The following GRM5 variants were observed in gnomAD, a reference collection of about 807,000 sequenced individuals.
GRM5 encodes metabotropic glutamate receptor 5.
A neutral mutation model predicts 83.1 loss-of-function variants in GRM5; 19 were observed. The observed-to-expected ratio is 0.23, with a 90% confidence interval of 0.16 to 0.34. GRM5 has a LOEUF of 0.34. Among genes scored for constraint, GRM5 ranks in the 10% least tolerant of loss-of-function variants. The pLI is 1.00. For synonymous variants in GRM5, 675 were observed against 633.6 expected, an observed-to-expected ratio of 1.07 and a Z score of -0.98; for missense variants, 1,160 against 1,588.3, an observed-to-expected ratio of 0.73 and a Z score of 4.58.
rs747778918 is a variant in GRM5, at chr11:88,567,224, G to T, written c.2459C>A (p.Pro820Gln). 1 of 1,614,012 alleles carries T rather than the reference G, an allele frequency of 6.2e-7. No individual in the cohort carries two copies. The highest frequency in any genetic ancestry group is 8.5e-7 in the Non-Finnish European group (1 of 1,179,974). Residue 820 changes from proline to glutamine, a missense_variant, in exon 8 of 10, where the codon CCG becomes CAG. By Grantham distance (76) the Pro-to-Gln change is moderately conservative. This residue lies in a region of GRM5 where 66 missense variants were observed against 138.6 expected (regional missense o/e 0.48). Transcript: ENST00000305447. This position sits in a 1 kb window ranked among gnomAD's most constrained non-coding sequence, Gnocchi z 7.3. ...TTTGGCCAGGATGATGTACACCTTC[G>T]GCACAAACATGCAGCCTAGGGCCAC... The part of the protein sequence containing the change: ...ATVALGCMFV[P>Q]KVYIILAKPE...
At chr11:88,848,974 A>G (rs938584266) in intron 3 of GRM5, among the ~76,000 whole-genome samples, 20 of 152,274 alleles carry the variant, frequency 1.3e-4, no homozygotes, top group African/African-American at 4.8e-4. Flanking sequence ...TCAGACTTGG[A>G]CTGAAACATT....
intron 3 of GRM5, among the ~76,000 whole-genome samples, chr11:88,834,213 A>G (rs891183176): frequency 1.3e-5 from 2 of 152,206 alleles, no homozygotes; most frequent in African/African-American, 4.8e-5. Flanking sequence ...TGACTGTAAA[A>G]AAAAATCATG....
At chr11:88,838,868 TACACACACACACAC>T (rs59388840) in intron 3 of GRM5, among the ~76,000 whole-genome samples, 49 of 144,842 alleles carry the variant, frequency 3.4e-4, no homozygotes, top group African/African-American at 1.1e-3. Context: ...CCCCTTATGC[TACACACACACACAC>T]ACACACACAC....
chr11:88,835,063 C>T (rs1223779181), intron 3 of GRM5, among the ~76,000 whole-genome samples: 1 of 151,972 alleles, frequency 6.6e-6, no homozygotes, highest in Admixed American at 6.6e-5. Flanking sequence ...AACCTTTACC[C>T]ACACTTTCAA....
chr11:88,621,794 A>C lies in GRM5; in HGVS notation c.1148-16830T>G, dbSNP rs184527611. On this transcript the variant is annotated intron_variant, in intron 4 of 9. Coordinates refer to ENST00000305447, the MANE Select transcript of GRM5 (RefSeq NM_001143831.3). ...AAATGAAGATTCCATCTCTTATAAT[A>C]AGCACTGTAATTGAAATGAAGTAGA... Among the ~76,000 whole-genome samples, 36 of 152,316 alleles carry C rather than the reference A, an allele frequency of 2.4e-4. 2 individuals are homozygous for C. The East Asian group carries it at 6.9e-3, about 29-fold the overall frequency.
chr11:88,539,593 G>T (rs967802243), intron 8 of GRM5, among the ~76,000 whole-genome samples: 2 of 152,064 alleles, frequency 1.3e-5, no homozygotes, highest in Non-Finnish European at 2.9e-5. Flanking sequence ...TATTTGTCCT[G>T]TTTCCTCCAC....
intron 8 of GRM5, among the ~76,000 whole-genome samples, chr11:88,543,168 G>A (rs1252091966): frequency 2.0e-5 from 3 of 152,204 alleles, no homozygotes; most frequent in Non-Finnish European, 2.9e-5. Context: ...ACCCTGGCCT[G>A]AGAGGCACAA....
At chr11:88,847,722 T>C (rs549559106) in intron 3 of GRM5, among the ~76,000 whole-genome samples, 1 of 152,298 alleles carries the variant, frequency 6.6e-6, no homozygotes, top group Admixed American at 6.5e-5. Flanking sequence ...AATTACTAAA[T>C]AGCCAGTTAA....
intron 3 of GRM5, among the ~76,000 whole-genome samples, chr11:88,688,291 ATC>A (rs1464935965): frequency 3.3e-5 from 5 of 152,132 alleles, no homozygotes; most frequent in African/African-American, 9.7e-5. Flanking sequence ...TTATTATATA[ATC>A]TCTTTCAATT....
intron 3 of GRM5, among the ~76,000 whole-genome samples, chr11:88,663,380 CTT>C (rs1939955742): frequency 6.6e-6 from 1 of 152,076 alleles, no homozygotes; most frequent in Non-Finnish European, 1.5e-5. Context: ...TGATAAATAT[CTT>C]TATAAATAGA....
Position 88,650,221 on chromosome 11 carries a change from C to T in GRM5, c.1147+2947G>A, listed in dbSNP as rs1939594384. On this transcript the variant is annotated intron_variant, in intron 4 of 9. Coordinates refer to ENST00000305447, the MANE Select transcript of GRM5 (RefSeq NM_001143831.3). ...ATAAATAGCTAAATAACAAATTGGACAAAAAGAAAACAAGTAGTAAATGAG... is the reference window on the plus strand; with the variant it reads ...ATAAATAGCTAAATAACAAATTGGATAAAAAGAAAACAAGTAGTAAATGAG... 4.0e-5 allele frequency among the ~76,000 whole-genome samples: 6 copies of T among 151,438 alleles called. 1 individual carries two copies. The South Asian group carries it at 1.3e-3, about 32-fold the overall frequency.
chr11:88,696,998 A>G (rs1940920083), intron 3 of GRM5, among the ~76,000 whole-genome samples: 1 of 152,230 alleles, frequency 6.6e-6, no homozygotes, highest in Admixed American at 6.5e-5. Flanking sequence ...ACCAGCTGCA[A>G]CTTAAGCACA....
At chr11:88,755,430 T>C (rs1942376470) in intron 3 of GRM5, among the ~76,000 whole-genome samples, 1 of 152,182 alleles carries the variant, frequency 6.6e-6, no homozygotes, top group Admixed American at 6.6e-5. Context: ...GGAAGAGTTT[T>C]TAATCATATG....
intron 4 of GRM5, among the ~76,000 whole-genome samples, chr11:88,652,192 A>G (rs897982372): frequency 6.6e-6 from 1 of 152,084 alleles, no homozygotes; most frequent in Non-Finnish European, 1.5e-5. Flanking sequence ...TATATCATTC[A>G]AAAATTTGAA....
chr11:88,911,077 T>G (rs1945489107), intron 2 of GRM5, among the ~76,000 whole-genome samples: 1 of 152,098 alleles, frequency 6.6e-6, no homozygotes, highest in Non-Finnish European at 1.5e-5. Flanking sequence ...TAAGAATATA[T>G]TTTTTCCTAG....
chr11:88,687,559 TATTATATATATATATATATAA>T (rs1940668475), intron 3 of GRM5, among the ~76,000 whole-genome samples: 2 of 2,682 alleles, frequency 7.5e-4, no homozygotes, highest in African/African-American at 1.1e-3. Context: ...CACACATATA[TATTATATATATATATATATAA>T]TATATATATA....
chr11:88,661,862 C>T (rs993630967), intron 3 of GRM5, among the ~76,000 whole-genome samples: 1 of 151,990 alleles, frequency 6.6e-6, no homozygotes, highest in African/African-American at 2.4e-5. Context: ...AATTAAGGTT[C>T]TTATGAATAT....
intron 2 of GRM5, among the ~76,000 whole-genome samples, chr11:88,978,983 T>C (rs185421734): frequency 1.3e-5 from 2 of 152,286 alleles, no homozygotes; most frequent in African/African-American, 4.8e-5. Flanking sequence ...TGTATCAAAA[T>C]CCTTCATACA....
At chr11:88,604,398 TA>T (rs1938084287) in intron 5 of GRM5, among the ~76,000 whole-genome samples, 1 of 152,208 alleles carries the variant, frequency 6.6e-6, no homozygotes, top group Non-Finnish European at 1.5e-5. Flanking sequence ...ATATGGGGAA[TA>T]ACATGACAAG....
Sources: gnomAD v4.1 joint callset for allele counts (sites outside exome capture counted in the v4.1 genomes callset) on GRCh38, gnomAD v4.1.1 for gene constraint, gnomAD v4.1.1 regional missense constraint, Gnocchi (gnomAD v3.1) non-coding constraint, MANE v1.5 for transcripts, NCBI Gene and HGNC (gene_info 2026-07-23, HGNC 2026-07-21) for gene names.